The following SOX6 variants were observed in gnomAD, a reference collection of about 807,000 sequenced individuals.
The protein encoded by SOX6 is transcription factor SOX-6.
A neutral mutation model predicts 97.8 loss-of-function variants in SOX6; 11 were observed. The ratio of observed to expected loss-of-function variants is 0.11; its 90% CI spans 0.07 to 0.19. The LOEUF is 0.19. SOX6 is among the 10% of genes least tolerant of loss of function. The pLI is 1.00. For missense variants in SOX6, 810 were observed against 1,039.5 expected, an observed-to-expected ratio of 0.78 and a Z score of 3.04; for synonymous variants, 360 against 371.4, an observed-to-expected ratio of 0.97 and a Z score of 0.35.
chr11:16,009,881 G>C (rs1410476824), intron 13 of SOX6, among the ~76,000 whole-genome samples: 1 of 151,956 alleles, frequency 6.6e-6, no homozygotes, highest in Non-Finnish European at 1.5e-5. Context: ...GTGTATCATA[G>C]AGTCAATCTT....
chr11:16,199,551 T>A (rs200091199), intron 4 of SOX6, among the ~76,000 whole-genome samples: 5 of 152,136 alleles, frequency 3.3e-5, no homozygotes, highest in Non-Finnish European at 4.4e-5. Flanking sequence ...AGAGAAATTT[T>A]AAAAAAAGTT....
intron 1 of SOX6, among the ~76,000 whole-genome samples, chr11:16,447,717 A>G (rs1859640924): frequency 6.6e-6 from 1 of 152,198 alleles, no homozygotes; most frequent in Non-Finnish European, 1.5e-5. Context: ...TAATATGAAG[A>G]TCAAAACAGG....
intron 3 of SOX6, among the ~76,000 whole-genome samples, chr11:16,685,316 T>A (rs980657942): frequency 6.6e-6 from 1 of 152,108 alleles, no homozygotes; most frequent in Non-Finnish European, 1.5e-5. Flanking sequence ...AAATCCAAAG[T>A]CTCATCTAAG....
At chr11:16,643,397 G>C (rs1452849396) in intron 3 of SOX6, among the ~76,000 whole-genome samples, 1 of 152,242 alleles carries the variant, frequency 6.6e-6, no homozygotes, top group East Asian at 1.9e-4. Context: ...TCCATTCTCA[G>C]ATCTCAAGCT....
chr11:16,171,953 A>C (rs1851050333), intron 6 of SOX6, among the ~76,000 whole-genome samples: 1 of 151,804 alleles, frequency 6.6e-6, no homozygotes, highest in South Asian at 2.1e-4. Flanking sequence ...TTAGAAATGA[A>C]GAAATGGCCA....
At chr11:16,546,204 A>G (rs1847619332) in intron 4 of SOX6, among the ~76,000 whole-genome samples, 1 of 152,208 alleles carries the variant, frequency 6.6e-6, no homozygotes, top group Non-Finnish European at 1.5e-5. Flanking sequence ...TGAAAAGGAC[A>G]TAAATAAATG....
At chr11:16,430,301 G>A (rs1369681659) in intron 1 of SOX6, among the ~76,000 whole-genome samples, 1 of 152,070 alleles carries the variant, frequency 6.6e-6, no homozygotes, top group Non-Finnish European at 1.5e-5. Flanking sequence ...TATTTGTTTA[G>A]AAAGACAGAT....
chr11:16,587,520 T>C (rs539117307), intron 4 of SOX6, among the ~76,000 whole-genome samples: 1 of 152,196 alleles, frequency 6.6e-6, no homozygotes, highest in Non-Finnish European at 1.5e-5. Flanking sequence ...AATATGTCTA[T>C]GTGTGGTAAC....
chr11:16,491,058 C>T (rs1860504056), intron 4 of SOX6, among the ~76,000 whole-genome samples: 1 of 151,976 alleles, frequency 6.6e-6, no homozygotes, highest in Non-Finnish European at 1.5e-5. Context: ...AAGAAAAATA[C>T]ATGCAAAATA....
Position 16,432,713 on chromosome 11 carries a change from G to A in SOX6, c.-5+43602C>T, listed in dbSNP as rs116205735. ...TTCTAATTCAAAAAGTTGGGGTGAA[G>A]GATCAAGAATCTGCCTTTTAAACAA... On this transcript the variant is annotated intron_variant, in intron 1 of 15. Transcript: ENST00000396356. Among the ~76,000 whole-genome samples, 207 of 152,076 alleles carry A rather than the reference G, an allele frequency of 1.4e-3. 1 individual carries two copies. The highest frequency in any genetic ancestry group is 4.9e-3 in the African/African-American group (203 of 41,522).
At chr11:16,136,956 C>T (rs1219207481) in intron 6 of SOX6, among the ~76,000 whole-genome samples, 5 of 152,150 alleles carry the variant, frequency 3.3e-5, no homozygotes, top group Non-Finnish European at 7.3e-5. Flanking sequence ...GCAGAGCATT[C>T]AGTATCATGT....
intron 3 of SOX6, among the ~76,000 whole-genome samples, chr11:16,275,347 G>A (rs1241373873): frequency 6.6e-6 from 1 of 151,796 alleles, no homozygotes. Flanking sequence ...CCAGCTACTG[G>A]GGAGGCTGAG....
chr11:16,066,713 G>A (rs1272773421), intron 9 of SOX6, among the ~76,000 whole-genome samples: 2 of 152,122 alleles, frequency 1.3e-5, no homozygotes, highest in Non-Finnish European at 2.9e-5. Context: ...TGAGCTCATG[G>A]AGATAGAGAG....
chr11:16,645,192 T>C (rs1487650250), intron 3 of SOX6, among the ~76,000 whole-genome samples: 1 of 152,190 alleles, frequency 6.6e-6, no homozygotes, highest in African/African-American at 2.4e-5. Flanking sequence ...TTTCTGTATT[T>C]TATCAAATGC....
chr11:16,132,303 G>GA (rs1849770986), intron 6 of SOX6, among the ~76,000 whole-genome samples: 1 of 116,594 alleles, frequency 8.6e-6, no homozygotes, highest in African/African-American at 3.5e-5. Context: ...AGGAAGGAAG[G>GA]AAGGAAGGAA....
chr11:16,648,730 C>T (rs777964122), intron 3 of SOX6, among the ~76,000 whole-genome samples: 1 of 152,098 alleles, frequency 6.6e-6, no homozygotes, highest in Non-Finnish European at 1.5e-5. Flanking sequence ...CTATACCACC[C>T]CCAAAAGATC....
intron 6 of SOX6, among the ~76,000 whole-genome samples, chr11:16,161,065 G>T (rs1850735258): frequency 6.6e-6 from 1 of 151,912 alleles, no homozygotes; most frequent in African/African-American, 2.4e-5. Context: ...CAAAAAAAAA[G>T]TGGGGGAGGG....
At chr11:16,424,102 C>T (rs17470624) in intron 1 of SOX6, among the ~76,000 whole-genome samples, 12,780 of 152,038 alleles carry the variant, frequency 0.084, 607 homozygotes, top group Non-Finnish European at 0.11. Context: ...TACAGTTACC[C>T]AGAATGAAAT....
intron 4 of SOX6, among the ~76,000 whole-genome samples, chr11:16,586,263 A>C (rs1483719351): frequency 1.4e-5 from 2 of 145,356 alleles, no homozygotes; most frequent in African/African-American, 4.9e-5. Context: ...TTGCTGAAAC[A>C]GGAAAAAAAA....
Sources: allele counts gnomAD v4.1 joint callset (sites outside exome capture counted in the v4.1 genomes callset), GRCh38; gene constraint gnomAD v4.1.1; transcripts MANE v1.5; gene names NCBI Gene and HGNC (gene_info 2026-07-23, HGNC 2026-07-21).